The following NRG1 variants were observed in gnomAD, a reference collection of about 807,000 sequenced individuals.
The protein encoded by NRG1 is neuregulin 1, also known as pro-neuregulin-1, membrane-bound isoform.
In NRG1, 18 loss-of-function variants were observed where a neutral mutation model predicts 63.8. That is an observed-to-expected ratio of 0.28 (90% CI 0.19 to 0.42). The LOEUF is 0.42. NRG1 is among the 10% of genes least tolerant of loss of function. The probability of loss-of-function intolerance (pLI) is 1.00; values close to 1 mark genes in which losing one functional copy is unlikely to be tolerated. For synonymous variants in NRG1, 302 were observed against 301.3 expected (o/e 1.00, Z -0.02); for missense variants, 762 against 814.7 (o/e 0.94, Z 0.79).
intron 1 of NRG1, among the ~76,000 whole-genome samples, chr8:31,826,674 C>A (rs904794328): frequency 6.6e-6 from 1 of 152,116 alleles, no homozygotes; most frequent in African/African-American, 2.4e-5. Context: ...AGTCACTGTC[C>A]CAGGACAGGA....
chr8:32,372,702 A>G (rs1050305108), intron 1 of NRG1, among the ~76,000 whole-genome samples: 3 of 152,228 alleles, frequency 2.0e-5, no homozygotes, highest in African/African-American at 7.2e-5. Flanking sequence ...TCTGGGGAGA[A>G]GTCAGCCCTC....
chr8:32,027,723 T>C (rs1307933322), intron 1 of NRG1, among the ~76,000 whole-genome samples: 2 of 152,164 alleles, frequency 1.3e-5, no homozygotes, highest in Non-Finnish European at 2.9e-5. Context: ...AGGGATCTAG[T>C]CTTAGATACT....
At chr8:32,439,757 A>T (rs111362939) in intron 1 of NRG1, among the ~76,000 whole-genome samples, 6 of 144,184 alleles carry the variant, frequency 4.2e-5, no homozygotes, top group African/African-American at 1.5e-4. Flanking sequence ...AACTACTAAA[A>T]AATCGAATAA....
chr8:32,438,385 A>C (rs981511458), intron 1 of NRG1, among the ~76,000 whole-genome samples: 1 of 152,116 alleles, frequency 6.6e-6, no homozygotes, highest in Non-Finnish European at 1.5e-5. Flanking sequence ...ATTCTTTGTT[A>C]TCGCTGCATA....
intron 1 of NRG1, among the ~76,000 whole-genome samples, chr8:31,908,821 A>G (rs183691544): frequency 0.012 from 1,808 of 152,250 alleles, 20 homozygotes; most frequent in Middle Eastern, 0.02. Flanking sequence ...AATATAAGGG[A>G]AAAAAAGCCA....
At chr8:32,551,575 T>C (rs1415329542) in intron 1 of NRG1, among the ~76,000 whole-genome samples, 1 of 152,216 alleles carries the variant, frequency 6.6e-6, no homozygotes, top group African/African-American at 2.4e-5. Flanking sequence ...GTGACTGATA[T>C]GCGATACATA....
chr8:32,711,748 A>G (rs1817868545), intron 5 of NRG1, among the ~76,000 whole-genome samples: 1 of 152,182 alleles, frequency 6.6e-6, no homozygotes, highest in Non-Finnish European at 1.5e-5. Context: ...AAGATCACCT[A>G]TAAGCAGAAC....
At chr8:31,728,102 T>G (rs1192206065) in intron 1 of NRG1, among the ~76,000 whole-genome samples, 3 of 152,186 alleles carry the variant, frequency 2.0e-5, no homozygotes, top group African/African-American at 7.2e-5. Context: ...ATTTTCCACA[T>G]AATAGTTTCA....
At chr8:31,959,684 C>A (rs1805081205) in intron 1 of NRG1, among the ~76,000 whole-genome samples, 1 of 152,064 alleles carries the variant, frequency 6.6e-6, no homozygotes. Context: ...TTAAGCATAG[C>A]CTGCTGGCCC....
intron 5 of NRG1, among the ~76,000 whole-genome samples, chr8:32,678,352 AAAT>A (rs1807723970): frequency 6.6e-6 from 1 of 152,212 alleles, no homozygotes; most frequent in Non-Finnish European, 1.5e-5. Flanking sequence ...GCAAAGAAAC[AAAT>A]AATAATGTAA....
At chr8:32,548,873 T>C in intron 1 of NRG1, 47 bp downstream of exon 1, 1 of 1,512,552 alleles carries the variant, frequency 6.6e-7, no homozygotes, top group African/African-American at 1.4e-5. Flanking sequence ...CTCCTGCTCC[T>C]CCTACTCCTC....
chr8:31,671,877 C>T (rs530544382), intron 1 of NRG1, among the ~76,000 whole-genome samples: 6 of 152,120 alleles, frequency 3.9e-5, no homozygotes, highest in African/African-American at 1.4e-4. Flanking sequence ...GAAAATAGAG[C>T]TGTTCTCAAG....
chr8:32,344,817 T>C lies in NRG1; in HGVS notation c.38-251011T>C, dbSNP rs117292775. Among the ~76,000 whole-genome samples, 21 of 152,152 alleles carry C rather than the reference T, an allele frequency of 1.4e-4. No homozygotes were observed. The East Asian group carries it at 3.9e-3, about 28-fold the overall frequency. On this transcript the variant is annotated intron_variant, in intron 1 of 10. Transcript: ENST00000519301. ...TGCAATTCAAAATATAAAAGTTTGTTAGTAGACATTTAGTTTGTTAGATAT... is the reference window on the plus strand; with the variant it reads ...TGCAATTCAAAATATAAAAGTTTGTCAGTAGACATTTAGTTTGTTAGATAT...
intron 1 of NRG1, among the ~76,000 whole-genome samples, chr8:32,080,825 AAGAG>A (rs953161045): frequency 1.0e-4 from 15 of 143,178 alleles, no homozygotes; most frequent in Admixed American, 8.3e-4. Context: ...GACAGACAGA[AAGAG>A]AGTGCTTTAG....
chr8:32,288,566 T>C (rs1173161576), intron 1 of NRG1, among the ~76,000 whole-genome samples: 1 of 152,214 alleles, frequency 6.6e-6, no homozygotes, highest in Non-Finnish European at 1.5e-5. Context: ...TGTAGTCTGA[T>C]TCCAGGTCTC....
chr8:32,024,209 C>T (rs890835997), intron 1 of NRG1, among the ~76,000 whole-genome samples: 1 of 152,170 alleles, frequency 6.6e-6, no homozygotes, highest in African/African-American at 2.4e-5. Flanking sequence ...TGTCTTGAAT[C>T]GGGAGAGTTA....
At chr8:31,690,455 T>C (rs928914676) in intron 1 of NRG1, among the ~76,000 whole-genome samples, 5 of 152,190 alleles carry the variant, frequency 3.3e-5, no homozygotes, top group African/African-American at 1.2e-4. Flanking sequence ...GAACATTTAC[T>C]CTAAAGTCCT....
chr8:32,009,072 G>T (rs1179895755), intron 1 of NRG1, among the ~76,000 whole-genome samples: 1 of 152,034 alleles, frequency 6.6e-6, no homozygotes, highest in Admixed American at 6.6e-5. Flanking sequence ...AGTCACACTG[G>T]TTATTTTTAG....
At chr8:31,868,524 C>A (rs1477554723) in intron 1 of NRG1, among the ~76,000 whole-genome samples, 3 of 152,120 alleles carry the variant, frequency 2.0e-5, no homozygotes, top group Non-Finnish European at 4.4e-5. Context: ...TTGTCAGTGA[C>A]CTGATTGTCT....
Sources: allele counts gnomAD v4.1 joint callset (sites outside exome capture counted in the v4.1 genomes callset), GRCh38; gene constraint gnomAD v4.1.1; transcripts MANE v1.5; gene names NCBI Gene and HGNC (gene_info 2026-07-23, HGNC 2026-07-21).